Variants in CSMD1 observed in about 807,000 individuals in gnomAD.
CSMD1 encodes CUB and sushi domain-containing protein 1.
A neutral mutation model predicts 417.5 loss-of-function variants in CSMD1; 213 were observed. The observed-to-expected ratio is 0.51, with a 90% CI of 0.46 to 0.57. CSMD1 has a LOEUF of 0.57. CSMD1 is among the 20% of genes least tolerant of loss of function. The probability of loss-of-function intolerance (pLI) is 0.00; values close to 1 mark genes in which losing one functional copy is unlikely to be tolerated. For synonymous variants in CSMD1, 2,862 were observed against 1,736.8 expected (o/e 1.65, Z -16.11); for missense variants, 6,923 against 4,529.7 (o/e 1.53, Z -15.17).
intron 3 of CSMD1, among the ~76,000 whole-genome samples, chr8:4,190,705 A>G (rs73512852): frequency 2.6e-5 from 4 of 152,152 alleles, no homozygotes; most frequent in African/African-American, 7.2e-5. Context: ...ATTAACAAAC[A>G]TTTTACAGAA....
At chr8:3,455,744 G>A (rs538978835) in intron 12 of CSMD1, among the ~76,000 whole-genome samples, 5 of 152,320 alleles carry the variant, frequency 3.3e-5, no homozygotes, top group East Asian at 1.9e-4. Context: ...TCCCAGTTAC[G>A]CTACTCAGGG....
chr8:3,196,860 C>G (rs1867509), intron 33 of CSMD1, among the ~76,000 whole-genome samples: 65,599 of 151,940 alleles, frequency 0.43, 15,758 homozygotes, highest in Non-Finnish European at 0.55. Context: ...TTCAACGGCA[C>G]GAAACTAAAG....
chr8:4,255,346 T>A (rs572510384), intron 3 of CSMD1, among the ~76,000 whole-genome samples: 3 of 152,224 alleles, frequency 2.0e-5, no homozygotes, highest in Admixed American at 1.3e-4. Context: ...GCAGTCATTG[T>A]TCTTGAGCCC....
At chr8:4,114,456 G>C (rs538260291) in intron 3 of CSMD1, among the ~76,000 whole-genome samples, 1 of 152,208 alleles carries the variant, frequency 6.6e-6, no homozygotes, top group Admixed American at 6.5e-5. Context: ...CTTGGACAGA[G>C]ATGCTTAAAG....
chr8:4,106,327 G>C (rs1352738965), intron 3 of CSMD1, among the ~76,000 whole-genome samples: 1 of 152,152 alleles, frequency 6.6e-6, no homozygotes, highest in African/African-American at 2.4e-5. Flanking sequence ...CTAAAAGGAA[G>C]TATCCACAAT....
At chr8:4,832,894 G>A (rs373186599) in intron 1 of CSMD1, among the ~76,000 whole-genome samples, 6 of 152,188 alleles carry the variant, frequency 3.9e-5, no homozygotes, top group Middle Eastern at 3.4e-3. Context: ...AGAAAGCTCC[G>A]AACTAGCTCA....
At chr8:3,182,158 T>G (rs1023107459) in intron 36 of CSMD1, among the ~76,000 whole-genome samples, 1 of 152,126 alleles carries the variant, frequency 6.6e-6, no homozygotes, top group Non-Finnish European at 1.5e-5. Context: ...AAGAAATAAG[T>G]TGATAATTAT....
At chr8:3,847,114 G>T (rs1401542489) in intron 5 of CSMD1, among the ~76,000 whole-genome samples, 2 of 152,082 alleles carry the variant, frequency 1.3e-5, no homozygotes, top group African/African-American at 4.8e-5. Flanking sequence ...TGCTCCTGAG[G>T]TCTCCTCCTC....
intron 4 of CSMD1, among the ~76,000 whole-genome samples, chr8:4,004,073 C>T (rs1345516785): frequency 1.3e-5 from 2 of 152,060 alleles, no homozygotes; most frequent in Non-Finnish European, 2.9e-5. Context: ...AATGTCTGAT[C>T]TGTGAAAAAG....
chr8:4,054,089 C>G (rs920991210), intron 3 of CSMD1, among the ~76,000 whole-genome samples: 1 of 152,160 alleles, frequency 6.6e-6, no homozygotes, highest in African/African-American at 2.4e-5. Flanking sequence ...TCGCAGTTCA[C>G]TACACCAGCT....
chr8:4,209,255 G>T (rs892066435), intron 3 of CSMD1, among the ~76,000 whole-genome samples: 2 of 152,120 alleles, frequency 1.3e-5, no homozygotes, highest in African/African-American at 2.4e-5. Context: ...CGAAAAAGAG[G>T]CAGCCAGCTG....
intron 5 of CSMD1, among the ~76,000 whole-genome samples, chr8:3,984,854 C>A (rs570677037): frequency 6.0e-5 from 9 of 149,152 alleles, no homozygotes; most frequent in Admixed American, 6.7e-5. Context: ...AAGAAGAAAG[C>A]CAGAAATGAA....
At chr8:4,174,250 G>C (rs767555667) in intron 3 of CSMD1, among the ~76,000 whole-genome samples, 2 of 152,116 alleles carry the variant, frequency 1.3e-5, no homozygotes. Flanking sequence ...CGCTAAAAAG[G>C]AAATGAATCT....
intron 3 of CSMD1, among the ~76,000 whole-genome samples, chr8:4,384,908 G>T (rs549979647): frequency 4.8e-4 from 73 of 152,286 alleles, no homozygotes; most frequent in African/African-American, 1.7e-3. Flanking sequence ...AGAGTGGCTG[G>T]ATGGCTTCCA....
chr8:3,387,665 C>A lies in CSMD1; in HGVS notation c.2611G>T (p.Asp871Tyr). The change falls in exon 18 of 70, where the codon GAT (aspartate) becomes TAT (tyrosine). Residue 871 changes from aspartate to tyrosine, a missense_variant. Transcript: ENST00000635120. ...GGGATGCCCGGGTCCAGGCAGGAAT[C>A]CGACTCAAGCGTCACACCTGGATGC... is the stretch of plus-strand genomic sequence containing the variant. ...IHYESVTLESDSCLDPGIPVN... is the reference protein window; with the variant it reads ...IHYESVTLESYSCLDPGIPVN... 1 of 1,596,548 alleles carries A rather than the reference C, an allele frequency of 6.3e-7. No individual in the cohort carries two copies. Among genetic ancestry groups the A allele is most frequent in the Non-Finnish European group, 8.5e-7 (1 of 1,171,332 alleles).
chr8:4,081,420 T>C (rs34942039), intron 3 of CSMD1, among the ~76,000 whole-genome samples: 15,927 of 152,122 alleles, frequency 0.1, 924 homozygotes, highest in Middle Eastern at 0.16. Flanking sequence ...GCTTCCTCCT[T>C]TTTGCCTTGG....
At chr8:4,281,612 G>T (rs1343782096) in intron 3 of CSMD1, among the ~76,000 whole-genome samples, 1 of 152,058 alleles carries the variant, frequency 6.6e-6, no homozygotes, top group Non-Finnish European at 1.5e-5. Flanking sequence ...ATAGCCAAAA[G>T]TTAAAGCTTT....
At chr8:3,547,178 T>C (rs1798703421) in intron 10 of CSMD1, among the ~76,000 whole-genome samples, 2 of 152,212 alleles carry the variant, frequency 1.3e-5, no homozygotes, top group Admixed American at 6.5e-5. Flanking sequence ...GAATACCTTG[T>C]CTTACACAAG....
At chr8:3,247,866 G>GA in intron 26 of CSMD1, among the ~76,000 whole-genome samples, 1 of 152,166 alleles carries the variant, frequency 6.6e-6, no homozygotes, top group East Asian at 1.9e-4. Context: ...CACAAGGGGG[G>GA]AGCAGGATCT....
Sources: gnomAD v4.1 joint callset for allele counts (sites outside exome capture counted in the v4.1 genomes callset) on GRCh38, gnomAD v4.1.1 for gene constraint, MANE v1.5 for transcripts, NCBI Gene and HGNC (gene_info 2026-07-23, HGNC 2026-07-21) for gene names.